UNC13B: variants seen among roughly 807,000 people sequenced by gnomAD.
UNC13B encodes the protein protein unc-13 homolog B.
Under a neutral mutation model 211.0 loss-of-function variants are expected in UNC13B, and 144 were observed. The ratio of observed to expected loss-of-function variants is 0.68; its 90% CI spans 0.60 to 0.78. The LOEUF is 0.78. UNC13B is among the 30% of genes least tolerant of loss of function. The pLI is 0.00. For missense variants in UNC13B, 1,777 were observed against 2,002.0 expected, an observed-to-expected ratio of 0.89 and a Z score of 2.14; for synonymous variants, 709 against 725.8, an observed-to-expected ratio of 0.98 and a Z score of 0.37.
At chr9:35,200,155 G>A (rs959434327) in intron 1 of UNC13B, among the ~76,000 whole-genome samples, 1 of 152,130 alleles carries the variant, frequency 6.6e-6, no homozygotes, top group Non-Finnish European at 1.5e-5. Context: ...GGTTGTAGAT[G>A]TGTGGTATTA....
intron 11 of UNC13B, chr9:35,342,456 C>T: frequency 1.3e-6 from 1 of 759,872 alleles, no homozygotes; most frequent in Non-Finnish European, 1.6e-6. Context: ...CTTGAGTCAA[C>T]TTGCTGGTGA....
In UNC13B at chr9:35,403,877, C is replaced by T; in HGVS notation, c.12867C>T (p.Gly4289=). 6.2e-7 allele frequency: 1 copy of T among 1,614,162 alleles called. No individual in the cohort carries two copies. Among genetic ancestry groups the T allele is most frequent in the African/African-American group, 1.3e-5 (1 of 75,014 alleles). ...CTCTGAGGGATGTCACAGCCAAGGG[C>T]AGCTGTGCCTGCTGGTGCCCCTTGG... is the stretch of plus-strand genomic sequence containing the variant. ...VMPLRDVTAK[G]SCACWCPLGR... The change falls in exon 40 of 40, where the codon GGC becomes GGT. Residue 4289 remains glycine (G), a synonymous_variant. Transcript: ENST00000635942.
intron 11 of UNC13B, among the ~76,000 whole-genome samples, chr9:35,325,505 A>G (rs1431451814): frequency 6.6e-6 from 1 of 152,148 alleles, no homozygotes; most frequent in Non-Finnish European, 1.5e-5. Flanking sequence ...ATTCAGCCCT[A>G]CTTTCATACC....
At chr9:35,388,439 G>T (rs1361610133) in intron 24 of UNC13B, among the ~76,000 whole-genome samples, 5 of 152,118 alleles carry the variant, frequency 3.3e-5, no homozygotes, top group African/African-American at 1.2e-4. Flanking sequence ...ATAAGATAAA[G>T]AAGTATAGCA....
intron 6 of UNC13B, among the ~76,000 whole-genome samples, chr9:35,248,693 T>C (rs534253347): frequency 2.0e-4 from 31 of 152,238 alleles, no homozygotes; most frequent in Admixed American, 1.7e-3. Flanking sequence ...TCCTGAGTTC[T>C]AGTTTGATTG....
intron 7 of UNC13B, chr9:35,291,204 A>C (rs1426529795): frequency 6.2e-6 from 7 of 1,136,026 alleles, no homozygotes; most frequent in Non-Finnish European, 7.7e-6. Context: ...ATAGACTTCC[A>C]TTTCCCTCTC....
intron 1 of UNC13B, among the ~76,000 whole-genome samples, chr9:35,169,077 G>T (rs1821200929): frequency 1.3e-5 from 2 of 152,190 alleles, no homozygotes; most frequent in Admixed American, 6.5e-5. Flanking sequence ...CTGGACAGGT[G>T]AGGTGGCTCA....
At chr9:35,352,369 T>C (rs1832770787) in intron 11 of UNC13B, 2 of 1,232,172 alleles carry the variant, frequency 1.6e-6, no homozygotes, top group Non-Finnish European at 2.0e-6. Flanking sequence ...ATCTAGAGCA[T>C]AGAGACTTCA....
In UNC13B at chr9:35,308,366, C is replaced by T; in HGVS notation, c.8962C>T (p.Gln2988Ter). The T allele has an allele frequency of 2.5e-6, 1 of 399,106 alleles. No homozygotes were observed. The highest frequency in any genetic ancestry group is 4.4e-6 in the Non-Finnish European group (1 of 226,092). 24.7% of individuals were successfully genotyped at this position (399,106 alleles called of 1,614,324 possible). ...TACTGACTCTGATTTGAATGTACAG[C>T]AGCCAGTCACTCTGAATGACATCAA... The part of the protein sequence containing the change: ...ASTDSDLNVQ[Q>*]PVTLNDIKEP... Residue 2988 changes from glutamine (Q) to a stop codon, truncating the protein, a stop_gained, in exon 9 of 40, where the codon CAG becomes TAG. Transcript: ENST00000635942. LOFTEE classifies it high-confidence loss of function.
At chr9:35,334,618 T>TACTTA (rs751869989) in intron 11 of UNC13B, among the ~76,000 whole-genome samples, 2 of 152,248 alleles carry the variant, frequency 1.3e-5, no homozygotes, top group Non-Finnish European at 2.9e-5. Context: ...TTTCCTTGCA[T>TACTTA]ACTTACAGGC....
rs780983045 is a variant in UNC13B at position 35,390,006 on chromosome 9, G to A, written c.11222+33G>A. ...TCACCCTCTTTGGCCCTGTCTGTTG[G>A]TGGTTGGTCTGTCCATCTGTCTAAC... On this transcript the variant is annotated intron_variant, in intron 25 of 39. Coordinates refer to ENST00000635942, the MANE Select transcript of UNC13B (RefSeq NM_001371189.2). The A allele has an allele frequency of 5.0e-6, 8 of 1,610,472 alleles. No individual in the cohort carries two copies. In the African/African-American group the frequency reaches 8.0e-5, roughly 16 times the overall value.
intron 11 of UNC13B, among the ~76,000 whole-genome samples, chr9:35,333,599 T>A (rs988749942): frequency 2.6e-5 from 4 of 152,266 alleles, no homozygotes; most frequent in African/African-American, 9.6e-5. Context: ...CTGCCTTAAA[T>A]ATCCTTTCCT....
chr9:35,210,167 C>T (rs964073328), intron 1 of UNC13B, among the ~76,000 whole-genome samples: 1 of 152,074 alleles, frequency 6.6e-6, no homozygotes, highest in Non-Finnish European at 1.5e-5. Context: ...TTAAATTGAC[C>T]TTATTCCATA....
rs1829729064 is a variant in UNC13B, at chr9:35,302,396, G to A, written c.2992G>A (p.Asp998Asn). 5.0e-6 allele frequency: 2 copies of A among 398,540 alleles called. No homozygotes were observed. The highest frequency in any genetic ancestry group is 6.3e-4 in the Middle Eastern group (1 of 1,586). 24.7% of individuals were successfully genotyped at this position (398,540 alleles called of 1,614,324 possible). ...NKNDQVNCPE[D>N]AKLSSIKSGS... ...GAATGACCAAGTAAATTGTCCTGAA[G>A]ATGCCAAACTTAGTTCAATAAAATC... Residue 998 changes from aspartate to asparagine, a missense_variant, in exon 9 of 40, where the codon GAT becomes AAT. Physicochemically the swap from Asp to Asn is conservative, Grantham distance 23 (BLOSUM62 1). Coordinates refer to ENST00000635942, the MANE Select transcript of UNC13B (RefSeq NM_001371189.2).
intron 1 of UNC13B, among the ~76,000 whole-genome samples, chr9:35,178,809 C>T (rs1821777770): frequency 3.5e-5 from 5 of 143,784 alleles, no homozygotes; most frequent in Admixed American, 7.2e-5. Context: ...AATTGCTTGA[C>T]CTTGGGAGGC....
intron 11 of UNC13B, among the ~76,000 whole-genome samples, chr9:35,328,742 TTTTCTTTTCC>T (rs1020545010): frequency 1.0e-4 from 14 of 135,922 alleles, no homozygotes; most frequent in African/African-American, 3.4e-4. Flanking sequence ...CCTTTCCTTC[TTTTCTTTTCC>T]TTTCTTTTCC....
At position 35,303,962 on chromosome 9, in the gene UNC13B, G is replaced by C. The variant is rs1829806216; in HGVS notation, c.4558G>C (p.Val1520Leu). ...ATGGTTGTCATGTCTTGAACATGGAGTGTGGTGGCCATCAGAGGATGGGGA... is the reference window on the plus strand; with the variant it reads ...ATGGTTGTCATGTCTTGAACATGGACTGTGGTGGCCATCAGAGGATGGGGA... ...QEWLSCLEHG[V>L]WWPSEDGDYG... Residue 1520 changes from valine (V) to leucine (L), a missense_variant, in exon 9 of 40, where the codon GTG becomes CTG. Coordinates refer to ENST00000635942, the MANE Select transcript of UNC13B (RefSeq NM_001371189.2). 1 of 398,670 alleles carries C rather than the reference G, an allele frequency of 2.5e-6. No homozygotes were observed. Among genetic ancestry groups the C allele is most frequent in the Non-Finnish European group, 4.4e-6 (1 of 225,872 alleles). The allele number at this position is 398,670 out of a possible 1,614,324, so 24.7% of individuals were successfully genotyped here. A position where few individuals can be genotyped will look rare whatever the true frequency, so the allele number is the denominator to read the frequency against.
intron 24 of UNC13B, among the ~76,000 whole-genome samples, chr9:35,389,622 G>A (rs1393850265): frequency 6.6e-6 from 1 of 152,186 alleles, no homozygotes; most frequent in Non-Finnish European, 1.5e-5. Flanking sequence ...AAGTTTATCA[G>A]AGAGAACTTC....
chr9:35,376,596 A>C (rs1004120108), intron 15 of UNC13B, among the ~76,000 whole-genome samples: 1 of 152,172 alleles, frequency 6.6e-6, no homozygotes, highest in Admixed American at 6.5e-5. Flanking sequence ...ATCTGAGGCT[A>C]ATGAGAGGAA....
Sources: allele counts gnomAD v4.1 joint callset (sites outside exome capture counted in the v4.1 genomes callset), GRCh38; gene constraint gnomAD v4.1.1; transcripts MANE v1.5; gene names NCBI Gene and HGNC (gene_info 2026-07-23, HGNC 2026-07-21).